The following SLC4A7 variants were observed in gnomAD, a reference collection of about 807,000 sequenced individuals.
SLC4A7 encodes the protein sodium bicarbonate cotransporter 3.
SLC4A7 carries 51 observed loss-of-function variants against 137.6 expected under a neutral mutation model. The observed-to-expected ratio is 0.37, with a 90% CI of 0.30 to 0.47. The LOEUF is 0.47. Ranked by LOEUF, SLC4A7 falls within the 20% of genes least tolerant of loss-of-function variation. The pLI, the probability that SLC4A7 is intolerant of heterozygous loss-of-function variation, is 1.00. For synonymous variants in SLC4A7, 542 were observed against 518.6 expected (o/e 1.05, Z -0.61); for missense variants, 1,247 against 1,525.4 (o/e 0.82, Z 3.04).
intron 3 of SLC4A7, among the ~76,000 whole-genome samples, chr3:27,442,779 G>GA (rs1273433049): frequency 4.6e-5 from 7 of 152,028 alleles, no homozygotes; most frequent in African/African-American, 1.7e-4. Context: ...GGGCAAAAGG[G>GA]AAAAAGAACA....
chr3:27,456,649 A>G, intron 1 of SLC4A7: 1 of 1,575,392 alleles, frequency 6.3e-7, no homozygotes, highest in Non-Finnish European at 8.7e-7. Flanking sequence ...TTAGGTACAT[A>G]CAGGTAACTT....
chr3:27,478,927 C>T (rs1307300690), intron 1 of SLC4A7, among the ~76,000 whole-genome samples: 1 of 151,588 alleles, frequency 6.6e-6, no homozygotes, highest in Non-Finnish European at 1.5e-5. Context: ...ATCTCTTGAA[C>T]CCAGAAGGTG....
rs1475046474 is a variant in SLC4A7, at chr3:27,424,083, T to G, written c.1220A>C (p.Asn407Thr). 3.1e-6 allele frequency: 5 copies of G among 1,612,114 alleles called. No individual in the cohort carries two copies. Among genetic ancestry groups the G allele is most frequent in the Non-Finnish European group, 4.2e-6 (5 of 1,178,662 alleles). The change falls in exon 8 of 26, where the codon AAT becomes ACT. Residue 407 changes from asparagine to threonine, a missense_variant. Around this residue, in one of 6 missense-constraint regions of SLC4A7, gnomAD observed 499 missense variants for 664.2 expected, o/e 0.75. Coordinates refer to ENST00000454389, the MANE Select transcript of SLC4A7 (RefSeq NM_001321103.2). ...ATTTTCTCTGCTTCCACCACTTCCATTACCTTTAATTTCTCCACTTTTACT... is the reference window on the plus strand; with the variant it reads ...ATTTTCTCTGCTTCCACCACTTCCAGTACCTTTAATTTCTCCACTTTTACT... ...DNSKSGEIKG[N>T]GSGGSRENST... is the part of the protein sequence containing the mutation.
chr3:27,416,680 T>C (rs1390255280), intron 11 of SLC4A7, among the ~76,000 whole-genome samples: 2 of 152,182 alleles, frequency 1.3e-5, no homozygotes, highest in African/African-American at 4.8e-5. Flanking sequence ...GTCAACTGTG[T>C]ATGTATATAT....
At chr3:27,383,644 G>C (rs911357497) in intron 23 of SLC4A7, among the ~76,000 whole-genome samples, 1 of 152,142 alleles carries the variant, frequency 6.6e-6, no homozygotes, top group Non-Finnish European at 1.5e-5. Context: ...CAGCAATACT[G>C]ACATTTAGGG....
rs764353859 is a variant in SLC4A7, at chr3:27,434,124, A to G, written c.590-20T>C. On this transcript the variant is annotated intron_variant, in intron 5 of 25. Coordinates refer to ENST00000454389, the MANE Select transcript of SLC4A7 (RefSeq NM_001321103.2). ...CCATATCTATTCAATGAAAAAAAAAATAAATTACTAAACACTCAGATGACC... is the reference window on the plus strand; with the variant it reads ...CCATATCTATTCAATGAAAAAAAAAGTAAATTACTAAACACTCAGATGACC... 6.5e-7 allele frequency: 1 copy of G among 1,542,428 alleles called. No homozygotes were observed. The highest frequency in any genetic ancestry group is 8.8e-7 in the Non-Finnish European group (1 of 1,137,408).
chr3:27,408,753 A>C (rs2053627148), intron 13 of SLC4A7, among the ~76,000 whole-genome samples: 1 of 152,234 alleles, frequency 6.6e-6, no homozygotes, highest in Admixed American at 6.5e-5. Context: ...GGAAAACATA[A>C]AAACTTTCAT....
At chr3:27,450,469 T>C (rs2057996550) in intron 2 of SLC4A7, among the ~76,000 whole-genome samples, 1 of 151,944 alleles carries the variant, frequency 6.6e-6, no homozygotes, top group African/African-American at 2.4e-5. Context: ...GAAATAAATA[T>C]AAAAAAACTC....
chr3:27,434,099 C>T lies in SLC4A7; in HGVS notation c.595G>A (p.Val199Ile). ...ASTLDEIADM[V>I]LDNMIASGQL... is the part of the protein sequence containing the mutation. ...CCAGAAGCTATCATGTTGTCTAATA[C>T]CATATCTATTCAATGAAAAAAAAAA... The change falls in exon 6 of 26, where the codon GTA (valine) becomes ATA (isoleucine). Residue 199 changes from valine to isoleucine, a missense_variant. Physicochemically the swap from Val to Ile is conservative, Grantham distance 29 (BLOSUM62 3). Around this residue, in one of 6 missense-constraint regions of SLC4A7, gnomAD observed 223 missense variants for 203.6 expected, o/e 1.10. Coordinates refer to ENST00000454389, the MANE Select transcript of SLC4A7 (RefSeq NM_001321103.2). The T allele has an allele frequency of 1.3e-6, 2 of 1,596,584 alleles. No homozygotes were observed. The highest frequency in any genetic ancestry group is 2.2e-5 in the East Asian group (1 of 44,534).
intron 19 of SLC4A7, 38 bp from the exon 20 acceptor site, chr3:27,394,807 A>G (rs200424625): frequency 6.3e-7 from 1 of 1,591,926 alleles, no homozygotes; most frequent in Non-Finnish European, 8.5e-7. Context: ...TGTAAGTCTA[A>G]ATGGTTCCCT....
At chr3:27,438,512 T>C (rs910883766) in intron 3 of SLC4A7, among the ~76,000 whole-genome samples, 3 of 147,760 alleles carry the variant, frequency 2.0e-5, no homozygotes, top group Non-Finnish European at 4.5e-5. Flanking sequence ...CTCAAATAAA[T>C]AAAATAAAAT....
At chr3:27,395,503 A>T (rs2052059533) in intron 18 of SLC4A7, among the ~76,000 whole-genome samples, 1 of 152,206 alleles carries the variant, frequency 6.6e-6, no homozygotes. Flanking sequence ...TACGCTGTCG[A>T]GTAAGCCTAG....
At chr3:27,422,025 G>C (rs2055032684) in intron 8 of SLC4A7, among the ~76,000 whole-genome samples, 1 of 152,140 alleles carries the variant, frequency 6.6e-6, no homozygotes, top group Non-Finnish European at 1.5e-5. Context: ...ACATGAACTT[G>C]AGAAATTTTT....
chr3:27,477,194 C>A (rs1336940422), intron 1 of SLC4A7, among the ~76,000 whole-genome samples: 1 of 152,202 alleles, frequency 6.6e-6, no homozygotes, highest in Non-Finnish European at 1.5e-5. Flanking sequence ...TTCCTCTAAT[C>A]CTAGCACTGG....
chr3:27,440,967 C>T (rs1299831218), intron 3 of SLC4A7, among the ~76,000 whole-genome samples: 2 of 152,096 alleles, frequency 1.3e-5, no homozygotes, highest in African/African-American at 4.8e-5. Flanking sequence ...ATCGCTTGAA[C>T]CCAGGACGCA....
Position 27,484,234 on chromosome 3 carries a change from A to G in SLC4A7, c.-108T>C. On this transcript the variant is annotated 5_prime_UTR_variant, in exon 1 of 26. Transcript: ENST00000454389. ...GCCGAGCCCCCGGCGCGCGAGGACA[A>G]ACGTGGGTGCGTCCGTGCGCGAGGT... The G allele has an allele frequency of 1.1e-6, 1 of 927,920 alleles. No homozygotes were observed. The highest frequency in any genetic ancestry group is 1.4e-6 in the Non-Finnish European group (1 of 715,026). 57.5% of individuals were successfully genotyped at this position (927,920 alleles called of 1,614,324 possible). A position where few individuals can be genotyped will look rare whatever the true frequency, so the allele number is the denominator to read the frequency against.
intron 21 of SLC4A7, 39 bp downstream of exon 21, chr3:27,391,701 C>A: frequency 8.7e-7 from 1 of 1,148,522 alleles, no homozygotes; most frequent in South Asian, 1.4e-5. Flanking sequence ...TTAAAATTAT[C>A]AAGTTTCTAT....
intron 7 of SLC4A7, among the ~76,000 whole-genome samples, chr3:27,428,947 C>T (rs1031152730): frequency 1.3e-5 from 2 of 152,034 alleles, no homozygotes; most frequent in Non-Finnish European, 1.5e-5. Context: ...TAAGGATAAA[C>T]CAAATTTTCA....
chr3:27,408,501 G>C (rs2053598665), intron 13 of SLC4A7, among the ~76,000 whole-genome samples: 1 of 152,150 alleles, frequency 6.6e-6, no homozygotes, highest in Admixed American at 6.5e-5. Flanking sequence ...TTTATTTCAT[G>C]TTTAGATCAT....
Sources: allele counts gnomAD v4.1 joint callset (sites outside exome capture counted in the v4.1 genomes callset), GRCh38; gene constraint gnomAD v4.1.1; regional missense constraint gnomAD v4.1.1; transcripts MANE v1.5; gene names NCBI Gene and HGNC (gene_info 2026-07-23, HGNC 2026-07-21).